Variants in LRP6 observed in about 807,000 individuals in gnomAD.
LRP6 encodes the protein low-density lipoprotein receptor-related protein 6.
Under a neutral mutation model 184.1 loss-of-function variants are expected in LRP6, and 43 were observed. The ratio of observed to expected loss-of-function variants is 0.23; its 90% confidence interval spans 0.18 to 0.30. LRP6 has a LOEUF of 0.30. Among genes scored for constraint, LRP6 ranks in the 10% least tolerant of loss-of-function variants. The pLI is 1.00. For synonymous variants in LRP6, 719 were observed against 684.9 expected (o/e 1.05, Z -0.78); for missense variants, 1,571 against 2,005.3 (o/e 0.78, Z 4.14).
Position 12,203,380 on chromosome 12 carries a change from C to G in LRP6, c.470G>C (p.Trp157Ser). The G allele has an allele frequency of 6.2e-7, 1 of 1,613,322 alleles. No individual in the cohort carries two copies. The highest frequency in any genetic ancestry group is 8.5e-7 in the Non-Finnish European group (1 of 1,179,286). ...PSSGFMYWTD[W>S]GEVPKIERAG... ...ACGTTCTATCTTTGGCACTTCTCCC[C>G]AGTCTGTCCAGTACATGAACCTAAA... is the stretch of plus-strand genomic sequence containing the variant. Residue 157 changes from tryptophan to serine, a missense_variant, in exon 3 of 23, where the codon TGG becomes TCG. Physicochemically the swap from Trp to Ser is radical, Grantham distance 177. This residue lies in a region of LRP6 where 640 missense variants were observed against 851.9 expected (regional missense o/e 0.75). Transcript: ENST00000261349.
chr12:12,150,796 TAGTC>T, intron 13 of LRP6, 36 bp downstream of exon 13: 1 of 1,602,346 alleles, frequency 6.2e-7, no homozygotes, highest in Non-Finnish European at 8.5e-7. Context: ...GTCCAGTTAT[TAGTC>T]AGGAGAAATG....
At chr12:12,181,494 C>T in intron 5 of LRP6, 55 bp from the exon 6 acceptor site, 2 of 857,448 alleles carry the variant, frequency 2.3e-6, no homozygotes, top group South Asian at 2.6e-5. Flanking sequence ...TAAAATTTAC[C>T]TGCTCTAGAT....
chr12:12,130,193 T>C (rs1386733937), intron 19 of LRP6, among the ~76,000 whole-genome samples: 1 of 151,274 alleles, frequency 6.6e-6, no homozygotes, highest in African/African-American at 2.4e-5. Flanking sequence ...TCTTTTCTTT[T>C]TTTTTTTTTT....
In LRP6 at chr12:12,126,741, A is replaced by C; in HGVS notation, c.4262T>G (p.Val1421Gly). 6.2e-7 allele frequency: 1 copy of C among 1,614,160 alleles called. No individual in the cohort carries two copies. The highest frequency in any genetic ancestry group is 8.5e-7 in the Non-Finnish European group (1 of 1,179,982). ...TGGGTGTGGCACATAACCAAGAGGC[A>C]CAGAAGCTGGTCCATGAACTACATA... ...NDYVVHGPAS[V>G]PLGYVPHPSS... Residue 1421 changes from valine (V) to glycine (G), a missense_variant, in exon 20 of 23, where the codon GTG (valine) becomes GGG (glycine). Val to Gly is a moderately radical substitution (Grantham distance 109). Around this residue, in one of 4 missense-constraint regions of LRP6, gnomAD observed 763 missense variants for 859.5 expected, o/e 0.89. Transcript: ENST00000261349.
chr12:12,132,250 A>G (rs796942617), intron 17 of LRP6, among the ~76,000 whole-genome samples, 193 bp from the exon 18 acceptor site: 13 of 152,376 alleles, frequency 8.5e-5, no homozygotes, highest in African/African-American at 2.9e-4. Flanking sequence ...TACATTCACT[A>G]TAAACTTTTG....
chr12:12,185,847 G>GT (rs71435899), intron 4 of LRP6, among the ~76,000 whole-genome samples: 19,672 of 140,790 alleles, frequency 0.14, 1,771 homozygotes, highest in African/African-American at 0.26. Flanking sequence ...TGTGTTTTTT[G>GT]TTTTTTTTTT....
chr12:12,143,944 G>A (rs962977604), intron 15 of LRP6, among the ~76,000 whole-genome samples: 1 of 152,122 alleles, frequency 6.6e-6, no homozygotes, highest in African/African-American at 2.4e-5. Context: ...AAACCATAGT[G>A]TACGTTGTAC....
intron 15 of LRP6, among the ~76,000 whole-genome samples, chr12:12,143,167 T>C (rs1419547357): frequency 6.6e-6 from 1 of 152,182 alleles, no homozygotes; most frequent in Non-Finnish European, 1.5e-5. Context: ...TCTTTACCAC[T>C]AGCGTTTAAA....
intron 3 of LRP6, among the ~76,000 whole-genome samples, chr12:12,189,776 C>T (rs1002145688): frequency 5.3e-5 from 8 of 152,186 alleles, no homozygotes; most frequent in South Asian, 2.1e-4. Flanking sequence ...GCTGGGATTA[C>T]AGGCGTGAGC....
At position 12,181,436 on chromosome 12, in the gene LRP6, G is replaced by T; in HGVS notation, c.980C>A (p.Ala327Asp). The T allele has an allele frequency of 8.5e-7, 1 of 1,175,620 alleles. No individual in the cohort carries two copies. Among genetic ancestry groups the T allele is most frequent in the Non-Finnish European group, 1.3e-6 (1 of 783,032 alleles). The allele number at this position is 1,175,620 out of a possible 1,614,324, so 72.8% of individuals were successfully genotyped here. Reference protein sequence around the residue: ...LENGKTCKDGATELLLLARRT... With the variant: ...LENGKTCKDGDTELLLLARRT... ...TCGAGCTAAAAGCAATAATTCTGTG[G>T]CACCTAGAACAACAAAGTGAAATGA... Residue 327 changes from alanine to aspartate, a missense_variant, in exon 6 of 23, where the codon GCC becomes GAC. Coordinates refer to ENST00000261349, the MANE Select transcript of LRP6 (RefSeq NM_002336.3).
In LRP6 at chr12:12,266,961, T is replaced by TCCCGCCGCCTCCTCC. The variant is rs1447183225; in HGVS notation, c.-241_-227dup. On this transcript the variant is annotated 5_prime_UTR_variant, in exon 1 of 23. Transcript: ENST00000261349. ...CGCGCGACGCCAGCGTCTGCTTCCA[T>TCCCGCCGCCTCCTCC]CCCGCCGCCTCCTCCCCCGGCGCCC... 3.7e-6 allele frequency: 2 copies of TCCCGCCGCCTCCTCC among 541,646 alleles called. No individual in the cohort carries two copies. The highest frequency in any genetic ancestry group is 6.4e-6 in the Non-Finnish European group (2 of 310,794). The allele number at this position is 541,646 out of a possible 1,614,324, so 33.6% of individuals were successfully genotyped here.
intron 3 of LRP6, among the ~76,000 whole-genome samples, chr12:12,202,158 C>T (rs1863927656): frequency 6.6e-6 from 1 of 152,194 alleles, no homozygotes; most frequent in Non-Finnish European, 1.5e-5. Context: ...CTTTGTCTTC[C>T]TTGAACACTG....
At chr12:12,131,486 TAGTAAGGGAAAGTGAAGAATATAAAATA>T (rs1949756554) in intron 18 of LRP6, among the ~76,000 whole-genome samples, 2 of 152,274 alleles carry the variant, frequency 1.3e-5, no homozygotes, top group African/African-American at 2.4e-5. Flanking sequence ...TGGGAAAAGT[TAGTAAGGGAAAGTGAAGAATATAAAATA>T]TGTTAGAGCG....
rs376342109 is a variant in LRP6, at chr12:12,208,790, C to A, written c.450-5390G>T. ...AGAAAGAAGTACAAAAGGTTAATAACCTAAGCATAGGGACAGCCAGAAACA... is the reference window on the plus strand; with the variant it reads ...AGAAAGAAGTACAAAAGGTTAATAAACTAAGCATAGGGACAGCCAGAAACA... On this transcript the variant is annotated intron_variant, in intron 2 of 22. Transcript: ENST00000261349. 5.3e-5 allele frequency among the ~76,000 whole-genome samples: 8 copies of A among 152,136 alleles called. No homozygotes were observed. In the East Asian group the frequency reaches 1.5e-3, roughly 29 times the overall value.
Position 12,119,988 on chromosome 12 carries a change from AAAATATATATATATATATATAT to A in LRP6, c.*1116_*1137del, listed in dbSNP as rs1199154206. On this transcript the variant is annotated 3_prime_UTR_variant, in exon 23 of 23. Coordinates refer to ENST00000261349, the MANE Select transcript of LRP6 (RefSeq NM_002336.3). Reference sequence around the variant, plus strand: ...TTACTCAGAAAACAAACAAACAAACAAAATATATATATATATATATATATATATATATATATATATATATATA... The same window carrying A: ...TTACTCAGAAAACAAACAAACAAACAATATATATATATATATATATATATA... The A allele has an allele frequency of 5.2e-5, 5 of 97,046 alleles. No individual in the cohort carries two copies. The highest frequency in any genetic ancestry group is 3.0e-4 in the East Asian group (1 of 3,362). The allele number at this position is 97,046 out of a possible 1,614,324, so 6.0% of individuals were successfully genotyped here. A position where few individuals can be genotyped will look rare whatever the true frequency, so the allele number is the denominator to read the frequency against.
chr12:12,254,586 T>C (rs1398153654), intron 1 of LRP6, among the ~76,000 whole-genome samples: 2 of 152,226 alleles, frequency 1.3e-5, no homozygotes, highest in African/African-American at 2.4e-5. Context: ...TTCATGGCAA[T>C]ATAGTTATCT....
chr12:12,226,828 A>T (rs530794991), intron 2 of LRP6: 5 of 152,170 alleles, frequency 3.3e-5, no homozygotes, highest in Non-Finnish European at 7.3e-5. Context: ...TATTATACAA[A>T]AGGTACAACA....
At chr12:12,172,433 T>C (rs1863071392) in intron 7 of LRP6, among the ~76,000 whole-genome samples, 1 of 152,216 alleles carries the variant, frequency 6.6e-6, no homozygotes, top group South Asian at 2.1e-4. Flanking sequence ...AATCTTGGAA[T>C]GCAGCCAGTC....
intron 5 of LRP6, among the ~76,000 whole-genome samples, chr12:12,182,970 T>TAC (rs1201812032): frequency 6.6e-6 from 1 of 152,230 alleles, no homozygotes; most frequent in Non-Finnish European, 1.5e-5. Flanking sequence ...AAAGTCAGGC[T>TAC]ACATTTTTAA....
Sources: gnomAD v4.1 joint callset for allele counts (sites outside exome capture counted in the v4.1 genomes callset) on GRCh38, gnomAD v4.1.1 for gene constraint, gnomAD v4.1.1 regional missense constraint, MANE v1.5 for transcripts, NCBI Gene and HGNC (gene_info 2026-07-23, HGNC 2026-07-21) for gene names.